Variants in SLC16A6 observed in about 807,000 individuals in gnomAD.
The protein encoded by SLC16A6 is solute carrier family 16 member 6.
In SLC16A6, 15 loss-of-function variants were observed where a neutral mutation model predicts 33.8. The ratio of observed to expected loss-of-function variants is 0.44; its 90% confidence interval spans 0.30 to 0.68. The LOEUF (loss-of-function observed/expected upper bound fraction) is 0.68, where lower values mean the gene tolerates loss of function less well. Among genes scored for constraint, SLC16A6 ranks in the 30% least tolerant of loss-of-function variants. SLC16A6 has a pLI of 0.10. For synonymous variants in SLC16A6, 219 were observed against 248.4 expected (o/e 0.88, Z 1.11); for missense variants, 451 against 661.5 (o/e 0.68, Z 3.49).
chr17:68,284,103 C>CAA (rs1189737736), intron 1 of SLC16A6, among the ~76,000 whole-genome samples: 1,241 of 55,756 alleles, frequency 0.022, 23 homozygotes, highest in Admixed American at 0.056. Flanking sequence ...GACTCTGTCT[C>CAA]AAAAAAAAAA....
chr17:68,277,778 C>T (rs74966172), intron 2 of SLC16A6, among the ~76,000 whole-genome samples: 4,001 of 152,286 alleles, frequency 0.026, 68 homozygotes, highest in Non-Finnish European at 0.037. Flanking sequence ...CTCACATCCT[C>T]ACAAAAGGAG....
intron 5 of SLC16A6, among the ~76,000 whole-genome samples, chr17:68,270,055 A>G (rs1191785463): frequency 5.3e-5 from 8 of 152,176 alleles, no homozygotes; most frequent in Non-Finnish European, 1.0e-4. Flanking sequence ...GATATGAAAC[A>G]TACCTATGTC....
intron 1 of SLC16A6, 116 bp from the exon 2 acceptor site, chr17:68,278,443 A>C (rs1354738163): frequency 3.1e-6 from 2 of 638,040 alleles, no homozygotes; most frequent in African/African-American, 3.7e-5. Flanking sequence ...AAGTTGTTGA[A>C]TATTTATTTA....
At position 68,268,880 on chromosome 17, in the gene SLC16A6, T is replaced by C. The variant is rs2075235733; in HGVS notation, c.*216A>G. The C allele has an allele frequency of 1.1e-6, 1 of 930,104 alleles. No individual in the cohort carries two copies. Among genetic ancestry groups the C allele is most frequent in the East Asian group, 3.0e-5 (1 of 33,714 alleles). 57.6% of individuals were successfully genotyped at this position (930,104 alleles called of 1,614,324 possible). A position where few individuals can be genotyped will look rare whatever the true frequency, so the allele number is the denominator to read the frequency against. Reference sequence around the variant, plus strand: ...TATGGAAGAGTGCTTGGTTGTTTTTTGTTTTGGCTTTAAAAACAAGCAAAA... The same window carrying C: ...TATGGAAGAGTGCTTGGTTGTTTTTCGTTTTGGCTTTAAAAACAAGCAAAA... On this transcript the variant is annotated 3_prime_UTR_variant, in exon 6 of 6. Coordinates refer to ENST00000580666, the MANE Select transcript of SLC16A6 (RefSeq NM_004694.5).
chr17:68,285,934 T>C (rs1194483105), intron 1 of SLC16A6, among the ~76,000 whole-genome samples: 1 of 152,120 alleles, frequency 6.6e-6, no homozygotes, highest in Admixed American at 6.5e-5. Context: ...TAATTTGTTG[T>C]ATTTTTAGTA....
intron 1 of SLC16A6, among the ~76,000 whole-genome samples, chr17:68,281,425 G>A (rs184153675): frequency 1.3e-5 from 2 of 151,854 alleles, no homozygotes; most frequent in Admixed American, 1.3e-4. Context: ...AAATTAGCTG[G>A]GCGTGGTGGC....
chr17:68,280,092 G>T (rs1180986777), intron 1 of SLC16A6, among the ~76,000 whole-genome samples: 1 of 147,048 alleles, frequency 6.8e-6, no homozygotes, highest in African/African-American at 2.5e-5. Flanking sequence ...TGAGGCAGGA[G>T]AATTGCTTGA....
intron 1 of SLC16A6, among the ~76,000 whole-genome samples, chr17:68,288,416 A>G (rs1242520717): frequency 2.0e-5 from 3 of 152,194 alleles, no homozygotes; most frequent in Admixed American, 2.0e-4. Flanking sequence ...TGTAAGTTCC[A>G]GAATATAAAA....
intron 1 of SLC16A6, among the ~76,000 whole-genome samples, chr17:68,285,843 C>T (rs950283657): frequency 6.6e-6 from 1 of 152,032 alleles, no homozygotes; most frequent in Non-Finnish European, 1.5e-5. Flanking sequence ...TCACTGCCAC[C>T]TCCATCCCCC....
At position 68,278,117 on chromosome 17, in the gene SLC16A6, T is replaced by A. The variant is rs559205384; in HGVS notation, c.204A>T (p.Ser68=). The A allele has an allele frequency of 5.0e-6, 8 of 1,613,678 alleles. No individual in the cohort carries two copies. In the South Asian group the frequency reaches 8.8e-5, roughly 18 times the overall value. Residue 68 remains serine, a synonymous_variant, in exon 2 of 6, where the codon TCA becomes TCT. Transcript: ENST00000580666. ...ESNSRISWII[S]ICVFVLTFSA... is the part of the protein sequence containing the mutation. ...AAAATGTTAAGACAAACACACAGAT[T>A]GAGATTATCCATGAGATCCTGCTAT...
chr17:68,270,520 C>T (rs2075302952), intron 5 of SLC16A6, among the ~76,000 whole-genome samples: 1 of 150,612 alleles, frequency 6.6e-6, no homozygotes, highest in South Asian at 2.1e-4. Context: ...CGCCACTGCA[C>T]TCCAGCCTGG....
intron 1 of SLC16A6, among the ~76,000 whole-genome samples, chr17:68,283,915 T>G (rs2075780278): frequency 7.4e-6 from 1 of 135,392 alleles, no homozygotes; most frequent in African/African-American, 2.7e-5. Context: ...CTGGCCAACA[T>G]AGCAAAACAC....
At chr17:68,276,014 T>G (rs1555750782) in intron 2 of SLC16A6, among the ~76,000 whole-genome samples, 2 of 150,348 alleles carry the variant, frequency 1.3e-5, no homozygotes, top group Non-Finnish European at 3.0e-5. Flanking sequence ...ATCTTGATAC[T>G]CACTTAAAAT....
At chr17:68,284,970 A>G (rs537411334) in intron 1 of SLC16A6, among the ~76,000 whole-genome samples, 4 of 152,202 alleles carry the variant, frequency 2.6e-5, no homozygotes, top group African/African-American at 9.6e-5. Context: ...GCTTGTATTT[A>G]TTTTTGCAAC....
Position 68,274,013 on chromosome 17 carries a change from C to T in SLC16A6, c.290G>A (p.Gly97Glu). 1 of 1,614,122 alleles carries T rather than the reference C, an allele frequency of 6.2e-7. No homozygotes were observed. The highest frequency in any genetic ancestry group is 8.5e-7 in the Non-Finnish European group (1 of 1,180,034). Residue 97 changes from glycine to glutamate, a missense_variant, in exon 3 of 6, where the codon GGG becomes GAG. Physicochemically the swap from Gly to Glu is moderately conservative, Grantham distance 98. Transcript: ENST00000580666. ...CATCCCGGTGCTGACAAGTAGCCCC[C>T]CCAACATCACTACCAGACGGTGTCC... ...RFGHRLVVML[G>E]GLLVSTGMVA... is the part of the protein sequence containing the mutation.
At chr17:68,284,848 T>C (rs2075805364) in intron 1 of SLC16A6, among the ~76,000 whole-genome samples, 1 of 152,236 alleles carries the variant, frequency 6.6e-6, no homozygotes, top group Non-Finnish European at 1.5e-5. Flanking sequence ...AGCAAAGGCC[T>C]TTGCATTTTG....
At chr17:68,283,711 C>T (rs1555753585) in intron 1 of SLC16A6, among the ~76,000 whole-genome samples, 1 of 147,756 alleles carries the variant, frequency 6.8e-6, no homozygotes, top group Non-Finnish European at 1.5e-5. Context: ...CCTGTCTCTA[C>T]TAAAAAAAAA....
At chr17:68,291,238 A>C (rs1390978366), upstream of SLC16A6, 2 of 150,776 alleles carry the variant, frequency 1.3e-5, no homozygotes, top group South Asian at 4.2e-4. Context: ...CGGGCTGGTG[A>C]GGCCCGAGCG....
rs377448637 is a variant in SLC16A6 at position 68,273,994 on chromosome 17, G to A, written c.309C>T (p.Thr103=). 25 of 1,613,980 alleles carry A rather than the reference G, an allele frequency of 1.5e-5. No homozygotes were observed. The highest frequency in any genetic ancestry group is 8.0e-5 in the African/African-American group (6 of 74,904). ...GTGAGAAGGAGGCGGCCACCATCCC[G>A]GTGCTGACAAGTAGCCCCCCCAACA... ...VVMLGGLLVS[T]GMVAASFSQE... The change falls in exon 3 of 6, where the codon ACC becomes ACT. Residue 103 remains threonine, a synonymous_variant. Coordinates refer to ENST00000580666, the MANE Select transcript of SLC16A6 (RefSeq NM_004694.5).
Sources: allele counts gnomAD v4.1 joint callset (sites outside exome capture counted in the v4.1 genomes callset), GRCh38; gene constraint gnomAD v4.1.1; transcripts MANE v1.5; gene names NCBI Gene and HGNC (gene_info 2026-07-23, HGNC 2026-07-21).